The following DCDC1 variants were observed in gnomAD, a reference collection of about 807,000 sequenced individuals.
DCDC1 encodes doublecortin domain-containing protein 1.
Under a neutral mutation model 178.3 loss-of-function variants are expected in DCDC1, and 200 were observed. The ratio of observed to expected loss-of-function variants is 1.12; its 90% CI spans 1.00 to 1.26. The LOEUF (loss-of-function observed/expected upper bound fraction) is 1.26. Ranked by LOEUF, DCDC1 falls within the 50% of genes most tolerant of loss-of-function variation. The pLI is 0.00. For missense variants in DCDC1, 1,983 were observed against 1,749.2 expected, an observed-to-expected ratio of 1.13 and a Z score of -2.38; for synonymous variants, 690 against 604.8, an observed-to-expected ratio of 1.14 and a Z score of -2.07.
intron 38 of DCDC1, among the ~76,000 whole-genome samples, chr11:30,874,897 T>C (rs1364496045): frequency 6.6e-6 from 1 of 152,200 alleles, no homozygotes; most frequent in Non-Finnish European, 1.5e-5. Flanking sequence ...CACAGAGGGA[T>C]ACCACAGACA....
At chr11:31,188,954 G>A (rs1969823803) in intron 9 of DCDC1, among the ~76,000 whole-genome samples, 1 of 152,086 alleles carries the variant, frequency 6.6e-6, no homozygotes, top group South Asian at 2.1e-4. Context: ...TTTTATGAGA[G>A]ACCTAAAGCC....
intron 10 of DCDC1, among the ~76,000 whole-genome samples, chr11:31,133,756 T>G (rs994328898): frequency 1.3e-5 from 2 of 152,122 alleles, no homozygotes. Context: ...CAGGCTGGAG[T>G]GCAGTGGCAC....
intron 8 of DCDC1, chr11:31,262,995 T>C: frequency 6.3e-7 from 1 of 1,589,060 alleles, no homozygotes; most frequent in Non-Finnish European, 8.6e-7. Flanking sequence ...AGCACACTTC[T>C]GGGATACGTG....
chr11:30,911,217 A>C, intron 28 of DCDC1, 110 bp downstream of exon 28: 1 of 835,652 alleles, frequency 1.2e-6, no homozygotes, highest in Non-Finnish European at 1.9e-6. Context: ...AACAACATTC[A>C]AATAGGATTC....
At chr11:31,192,519 C>G (rs1314901393) in intron 9 of DCDC1, among the ~76,000 whole-genome samples, 1 of 152,086 alleles carries the variant, frequency 6.6e-6, no homozygotes, top group East Asian at 1.9e-4. Context: ...AGAGTTCCCT[C>G]TCACCTTCCC....
chr11:30,996,244 G>C (rs750503763), intron 20 of DCDC1, among the ~76,000 whole-genome samples: 4 of 152,106 alleles, frequency 2.6e-5, no homozygotes, highest in Non-Finnish European at 5.9e-5. Context: ...ATGGCAAAGA[G>C]AAAGCAAAAT....
Position 30,903,684 on chromosome 11 carries a change from C to A in DCDC1, c.4309-1G>T. The stretch of plus-strand genomic sequence containing the variant: ...GTTGTTCCGTGCATTCTGTAAGAAG[C>A]TAGATAACACAGGCAGTAAGGATCT... On this transcript the variant is annotated splice_acceptor_variant, in intron 31 of 38. Transcript: ENST00000684477. LOFTEE classifies it high-confidence loss of function. 1 of 1,589,160 alleles carries A rather than the reference C, an allele frequency of 6.3e-7. No homozygotes were observed. Among genetic ancestry groups the A allele is most frequent in the Admixed American group, 1.7e-5 (1 of 58,204 alleles).
intron 9 of DCDC1, among the ~76,000 whole-genome samples, chr11:31,207,381 T>C (rs1446070460): frequency 6.6e-6 from 1 of 152,226 alleles, no homozygotes; most frequent in African/African-American, 2.4e-5. Context: ...TGTCCATGTG[T>C]GTCTTCTTTG....
In DCDC1 at chr11:31,288,049, A is replaced by C. The variant is rs148299922; in HGVS notation, c.960+2598T>G. On this transcript the variant is annotated intron_variant, in intron 7 of 38. Transcript: ENST00000684477. ...ATATAATTATTAACTACTGGGAAAAAATTAAACATTTTTCATAAAAGAAAT... is the reference window on the plus strand; with the variant it reads ...ATATAATTATTAACTACTGGGAAAACATTAAACATTTTTCATAAAAGAAAT... 8.8e-3 allele frequency among the ~76,000 whole-genome samples: 1,337 copies of C among 152,118 alleles called. 66 individuals are homozygous for C. The highest frequency in any genetic ancestry group is 0.081 in the Admixed American group (1,235 of 15,234).
At chr11:31,247,430 T>G (rs1219552229) in intron 8 of DCDC1, among the ~76,000 whole-genome samples, 1 of 151,848 alleles carries the variant, frequency 6.6e-6, no homozygotes, top group East Asian at 1.9e-4. Flanking sequence ...ATCTACTCCT[T>G]GTTCCATGAA....
intron 20 of DCDC1, among the ~76,000 whole-genome samples, chr11:31,059,060 C>T (rs757424346): frequency 3.9e-5 from 6 of 152,066 alleles, no homozygotes; most frequent in Admixed American, 3.3e-4. Context: ...AATAGTACAT[C>T]GTGAAAATGG....
chr11:30,873,282 A>C (rs1390577203), intron 38 of DCDC1, among the ~76,000 whole-genome samples: 1 of 150,246 alleles, frequency 6.7e-6, no homozygotes, highest in Non-Finnish European at 1.5e-5. Flanking sequence ...GGCAAGGAAA[A>C]ATTTAAACTT....
intron 36 of DCDC1, among the ~76,000 whole-genome samples, chr11:30,892,378 G>T (rs1943855438): frequency 1.3e-5 from 2 of 151,902 alleles, no homozygotes; most frequent in African/African-American, 4.8e-5. Context: ...GATTCGTGGT[G>T]GGTAAAAAAA....
intron 7 of DCDC1, among the ~76,000 whole-genome samples, chr11:31,283,639 C>T (rs1946610442): frequency 6.6e-6 from 1 of 152,038 alleles, no homozygotes; most frequent in Non-Finnish European, 1.5e-5. Context: ...AAGACCTCTC[C>T]TCTCCAACTG....
intron 9 of DCDC1, among the ~76,000 whole-genome samples, chr11:31,141,025 T>TA (rs992288278): frequency 3.3e-5 from 5 of 152,236 alleles, no homozygotes; most frequent in African/African-American, 1.2e-4. Context: ...GAAGCTCTCT[T>TA]ATGGACATCC....
rs188796811 is a variant in DCDC1 at position 30,942,924 on chromosome 11, G to T, written c.2715+9521C>A. Among the ~76,000 whole-genome samples, 220 of 152,260 alleles carry T rather than the reference G, an allele frequency of 1.4e-3. 1 individual carries two copies. The highest frequency in any genetic ancestry group is 4.7e-3 in the African/African-American group (195 of 41,550). On this transcript the variant is annotated intron_variant, in intron 21 of 38. Coordinates refer to ENST00000684477, the MANE Select transcript of DCDC1 (RefSeq NM_001387274.1). ...CTTCCTTTAAGCTGCTTTAATTCTC[G>T]TTCTGGTGTTTCAGGCACTTTCATT...
intron 38 of DCDC1, among the ~76,000 whole-genome samples, chr11:30,876,851 C>A (rs1942179381): frequency 6.6e-6 from 1 of 151,974 alleles, no homozygotes; most frequent in South Asian, 2.1e-4. Context: ...TAGGGAGAGG[C>A]CCAGTTGGCA....
chr11:31,144,977 A>G (rs926547005), intron 9 of DCDC1, among the ~76,000 whole-genome samples: 5 of 152,214 alleles, frequency 3.3e-5, no homozygotes, highest in South Asian at 4.2e-4. Flanking sequence ...CTCCAACTAT[A>G]TTATCTTCTA....
intron 20 of DCDC1, among the ~76,000 whole-genome samples, chr11:30,983,914 T>C (rs911241671): frequency 6.6e-6 from 1 of 152,120 alleles, no homozygotes; most frequent in Non-Finnish European, 1.5e-5. Flanking sequence ...ATGGGCGATA[T>C]AATCGAAGGT....
Sources: allele counts gnomAD v4.1 joint callset (sites outside exome capture counted in the v4.1 genomes callset), GRCh38; gene constraint gnomAD v4.1.1; transcripts MANE v1.5; gene names NCBI Gene and HGNC (gene_info 2026-07-23, HGNC 2026-07-21).